Variants in ABCA10 observed in about 807,000 individuals in gnomAD.
ABCA10 encodes the protein ATP-binding cassette sub-family A member 10.
A neutral mutation model predicts 187.5 loss-of-function variants in ABCA10; 169 were observed. The ratio of observed to expected loss-of-function variants is 0.90; its 90% CI spans 0.80 to 1.02. The LOEUF is 1.02. Among genes scored for constraint, ABCA10 ranks in the 50% least tolerant of loss-of-function variants. The pLI is 0.00. For synonymous variants in ABCA10, 574 were observed against 601.8 expected (o/e 0.95, Z 0.68); for missense variants, 1,727 against 1,812.4 (o/e 0.95, Z 0.86).
At chr17:69,190,209 T>C (rs995682032) in intron 18 of ABCA10, 149 bp downstream of exon 18, 4 of 922,084 alleles carry the variant, frequency 4.3e-6, no homozygotes, top group South Asian at 2.5e-5. Flanking sequence ...ACAATGCTAG[T>C]ATTTTCTATC....
At chr17:69,237,111 ACTT>A (rs1253189484) in intron 1 of ABCA10, among the ~76,000 whole-genome samples, 12 of 152,224 alleles carry the variant, frequency 7.9e-5, no homozygotes, top group Non-Finnish European at 1.5e-5. Flanking sequence ...TATACTAGCC[ACTT>A]CTTACTCATT....
At chr17:69,218,201 G>A (rs938884325) in intron 6 of ABCA10, among the ~76,000 whole-genome samples, 10 of 152,160 alleles carry the variant, frequency 6.6e-5, no homozygotes, top group Middle Eastern at 3.4e-3. Context: ...TTTACCTACC[G>A]TAAAGCTAAT....
At chr17:69,192,275 C>A (rs1292810289) in intron 16 of ABCA10, among the ~76,000 whole-genome samples, 2 of 152,036 alleles carry the variant, frequency 1.3e-5, no homozygotes, top group African/African-American at 4.8e-5. Context: ...AGCCACTGCA[C>A]TCCAGCCTGG....
intron 25 of ABCA10, among the ~76,000 whole-genome samples, chr17:69,168,065 C>T (rs1254630074): frequency 2.0e-5 from 3 of 152,092 alleles, no homozygotes; most frequent in Non-Finnish European, 4.4e-5. Flanking sequence ...TAATCCACCT[C>T]TACTTAATGA....
intron 27 of ABCA10, among the ~76,000 whole-genome samples, chr17:69,157,172 T>C (rs940364016): frequency 1.1e-4 from 16 of 152,136 alleles, no homozygotes; most frequent in African/African-American, 3.9e-4. Context: ...TTAAAAAGCA[T>C]AGAAGAGCTA....
chr17:69,150,226 A>C (rs926541986), intron 36 of ABCA10, 163 bp from the exon 37 acceptor site: 1 of 508,468 alleles, frequency 2.0e-6, no homozygotes, highest in Non-Finnish European at 3.4e-6. Context: ...TCATAAAAAA[A>C]GTTATAACAA....
At chr17:69,187,097 G>T (rs1273764654) in intron 19 of ABCA10, among the ~76,000 whole-genome samples, 1 of 150,024 alleles carries the variant, frequency 6.7e-6, no homozygotes, top group Non-Finnish European at 1.5e-5. Flanking sequence ...CAGATTGAAA[G>T]AAGAAAAAAA....
At chr17:69,212,609 T>C (rs2074669277) in intron 9 of ABCA10, among the ~76,000 whole-genome samples, 1 of 152,202 alleles carries the variant, frequency 6.6e-6, no homozygotes, top group African/African-American at 2.4e-5. Context: ...TTCTTAGGTC[T>C]AGTAGTAATT....
chr17:69,239,874 C>T (rs1221813505), intron 1 of ABCA10, among the ~76,000 whole-genome samples: 1 of 152,110 alleles, frequency 6.6e-6, no homozygotes, highest in Non-Finnish European at 1.5e-5. Context: ...CTGTGTTTTC[C>T]AAACTCATAT....
intron 5 of ABCA10, among the ~76,000 whole-genome samples, chr17:69,220,723 C>CA (rs1731474890): frequency 6.6e-6 from 1 of 152,198 alleles, no homozygotes; most frequent in Non-Finnish European, 1.5e-5. Context: ...CTAGAGCAGA[C>CA]GTCTAGCTCT....
intron 11 of ABCA10, among the ~76,000 whole-genome samples, chr17:69,195,038 T>G (rs2074487878): frequency 6.6e-6 from 1 of 152,232 alleles, no homozygotes; most frequent in Non-Finnish European, 1.5e-5. Context: ...TAGAAATATC[T>G]GCTGGGATCT....
intron 22 of ABCA10, among the ~76,000 whole-genome samples, chr17:69,180,988 C>T (rs2074376336): frequency 6.6e-6 from 1 of 151,978 alleles, no homozygotes; most frequent in Admixed American, 6.6e-5. Context: ...GCACTTCACA[C>T]CCCAAGTTAT....
At chr17:69,190,148 T>C (rs1311690275) in intron 18 of ABCA10, among the ~76,000 whole-genome samples, 1 of 152,142 alleles carries the variant, frequency 6.6e-6, no homozygotes, top group Non-Finnish European at 1.5e-5. Flanking sequence ...GAAAGCAATT[T>C]GCCTAGCACC....
intron 25 of ABCA10, among the ~76,000 whole-genome samples, chr17:69,169,167 C>T (rs567664875): frequency 2.0e-5 from 3 of 152,186 alleles, no homozygotes; most frequent in South Asian, 2.1e-4. Context: ...AACTGAACCT[C>T]AAAAGAACTG....
chr17:69,163,993 A>C, intron 27 of ABCA10, 81 bp downstream of exon 27: 1 of 1,109,208 alleles, frequency 9.0e-7, no homozygotes, highest in Non-Finnish European at 1.2e-6. Flanking sequence ...AAGACATTTA[A>C]ATTTGGCATA....
intron 1 of ABCA10, among the ~76,000 whole-genome samples, chr17:69,237,982 G>A (rs2144867204): frequency 6.6e-6 from 1 of 152,214 alleles, no homozygotes; most frequent in South Asian, 2.1e-4. Context: ...CCAATATGGT[G>A]AAACTCTGTC....
chr17:69,178,763 G>C (rs181246445), intron 22 of ABCA10, among the ~76,000 whole-genome samples: 61 of 152,176 alleles, frequency 4.0e-4, no homozygotes, highest in African/African-American at 1.4e-3. Flanking sequence ...ATGAGTAAAA[G>C]AATGAATAAT....
In ABCA10 at chr17:69,155,025, T is replaced by C; in HGVS notation, c.3688A>G (p.Lys1230Glu). 6.3e-7 allele frequency: 1 copy of C among 1,585,506 alleles called. No homozygotes were observed. The highest frequency in any genetic ancestry group is 8.6e-7 in the Non-Finnish European group (1 of 1,157,314). ...IAIRNVSFCVKKGEVLGLLGH... is the reference protein window; with the variant it reads ...IAIRNVSFCVEKGEVLGLLGH... ...AAGGAACAATTGTTCAAACCTTTTT[T>C]AACACAAAAGGAAACATTTCTGATG... The change falls in exon 30 of 39, where the codon AAA (lysine) becomes GAA (glutamate). Residue 1230 changes from lysine (K) to glutamate (E), a missense_variant. By Grantham distance (56) the Lys-to-Glu change is moderately conservative (BLOSUM62 1). Coordinates refer to ENST00000690296, the MANE Select transcript of ABCA10 (RefSeq NM_001377321.1).
intron 19 of ABCA10, among the ~76,000 whole-genome samples, chr17:69,185,978 T>C (rs967812823): frequency 5.9e-5 from 9 of 152,312 alleles, no homozygotes; most frequent in African/African-American, 2.2e-4. Flanking sequence ...TTGGGTACTT[T>C]TGATGAGAAA....
Sources: allele counts gnomAD v4.1 joint callset (sites outside exome capture counted in the v4.1 genomes callset), GRCh38; gene constraint gnomAD v4.1.1; transcripts MANE v1.5; gene names NCBI Gene and HGNC (gene_info 2026-07-23, HGNC 2026-07-21).